UBE3C: variants seen among roughly 807,000 people sequenced by gnomAD.
UBE3C encodes ubiquitin-protein ligase E3C.
A neutral mutation model predicts 129.4 loss-of-function variants in UBE3C; 42 were observed. That is an observed-to-expected ratio of 0.32 (90% CI 0.25 to 0.42). UBE3C has a LOEUF of 0.42. UBE3C is among the 10% of genes least tolerant of loss of function. UBE3C has a pLI of 1.00. For missense variants in UBE3C, 1,049 were observed against 1,319.1 expected (o/e 0.80, Z 3.17); for synonymous variants, 510 against 492.4 (o/e 1.04, Z -0.47).
intron 18 of UBE3C, among the ~76,000 whole-genome samples, chr7:157,235,900 T>C (rs1050397442): frequency 6.6e-6 from 1 of 152,188 alleles, no homozygotes; most frequent in Admixed American, 6.6e-5. Flanking sequence ...GTAAGTGTCA[T>C]AGTACAGCAG....
At chr7:157,201,421 A>G (rs1280528049) in intron 10 of UBE3C, among the ~76,000 whole-genome samples, 1 of 146,158 alleles carries the variant, frequency 6.8e-6, no homozygotes, top group African/African-American at 2.5e-5. Context: ...AGCAGGTTCA[A>G]CTTGTGCATG....
At chr7:157,202,997 T>C (rs1223295990) in intron 11 of UBE3C, among the ~76,000 whole-genome samples, 1 of 152,230 alleles carries the variant, frequency 6.6e-6, no homozygotes, top group Non-Finnish European at 1.5e-5. Context: ...TGTGCAGTCA[T>C]AATGAAAACT....
At chr7:157,230,032 C>T (rs1449162835) in intron 17 of UBE3C, among the ~76,000 whole-genome samples, 2 of 152,052 alleles carry the variant, frequency 1.3e-5, no homozygotes, top group Admixed American at 1.3e-4. Context: ...CCTCAGCCAC[C>T]CAAGTAGCTG....
At chr7:157,208,036 CAT>C (rs1259598027) in intron 13 of UBE3C, 101 bp downstream of exon 13, 4 of 153,382 alleles carry the variant, frequency 2.6e-5, no homozygotes, top group Non-Finnish European at 5.0e-5. Context: ...TTGTTTCAGA[CAT>C]GTTTTAATTT....
intron 19 of UBE3C, among the ~76,000 whole-genome samples, chr7:157,252,462 A>G (rs914044761): frequency 6.6e-6 from 1 of 152,382 alleles, no homozygotes. Context: ...GATGGTTCCA[A>G]ACCTTAGGAA....
At chr7:157,203,942 A>C (rs1809359513) in intron 11 of UBE3C, among the ~76,000 whole-genome samples, 3 of 152,216 alleles carry the variant, frequency 2.0e-5, no homozygotes, top group African/African-American at 7.2e-5. Context: ...ACGTGCTCAA[A>C]ATATGTGCAT....
At chr7:157,208,055 CTTTTTTTTTTTTT>C (rs35366316) in intron 13 of UBE3C, 120 bp downstream of exon 13, 41 of 93,710 alleles carry the variant, frequency 4.4e-4, no homozygotes, top group South Asian at 1.4e-3. Flanking sequence ...ATTTGCAAGA[CTTTTTTTTTTTTT>C]TTTTTTTTTT....
At chr7:157,160,308 C>T (rs1405577438) in intron 1 of UBE3C, among the ~76,000 whole-genome samples, 3 of 152,164 alleles carry the variant, frequency 2.0e-5, no homozygotes, top group Non-Finnish European at 2.9e-5. Flanking sequence ...CTCCTGACCT[C>T]AGGCGATCTG....
At chr7:157,143,500 T>G (rs1024936288) in intron 1 of UBE3C, among the ~76,000 whole-genome samples, 1 of 152,204 alleles carries the variant, frequency 6.6e-6, no homozygotes, top group Non-Finnish European at 1.5e-5. Context: ...TCTCCTTCAT[T>G]CCTGGCTCTG....
intron 18 of UBE3C, among the ~76,000 whole-genome samples, chr7:157,235,156 C>T (rs1384370423): frequency 6.6e-6 from 1 of 152,060 alleles, no homozygotes; most frequent in African/African-American, 2.4e-5. Flanking sequence ...TACCATTGCA[C>T]TCCAGCCTGG....
intron 17 of UBE3C, among the ~76,000 whole-genome samples, chr7:157,227,464 T>C (rs1182361): frequency 0.95 from 145,054 of 152,048 alleles, 69,244 homozygotes; most frequent in East Asian, 0.99. Flanking sequence ...TTTGGGAGGC[T>C]GAGGCAGGCA....
At chr7:157,235,708 T>A (rs1471653705) in intron 18 of UBE3C, among the ~76,000 whole-genome samples, 2 of 152,230 alleles carry the variant, frequency 1.3e-5, no homozygotes, top group East Asian at 3.8e-4. Context: ...TTTAGACCAA[T>A]AACAAAACTA....
intron 1 of UBE3C, among the ~76,000 whole-genome samples, chr7:157,143,680 T>G (rs1050788931): frequency 7.2e-5 from 11 of 152,138 alleles, no homozygotes; most frequent in Non-Finnish European, 1.5e-4. Flanking sequence ...GATGGAACAG[T>G]CTAGGTGCAC....
At position 157,190,630 on chromosome 7, in the gene UBE3C, A is replaced by G. The variant is rs74973324; in HGVS notation, c.1331+3609A>G. 3.3e-3 allele frequency among the ~76,000 whole-genome samples: 505 copies of G among 152,190 alleles called. 16 individuals are homozygous for G. The South Asian group carries it at 0.046, about 14-fold the overall frequency. On this transcript the variant is annotated intron_variant, in intron 10 of 22. Transcript: ENST00000348165. Reference sequence around the variant, plus strand: ...TCCCACCATGGTGCTCGAGAGCTGTATTCTCTATGTCATGGTTTGCCAGCC... The same window carrying G: ...TCCCACCATGGTGCTCGAGAGCTGTGTTCTCTATGTCATGGTTTGCCAGCC...
chr7:157,232,099 C>A (rs889512247), intron 18 of UBE3C, among the ~76,000 whole-genome samples: 1 of 152,102 alleles, frequency 6.6e-6, no homozygotes, highest in Non-Finnish European at 1.5e-5. Context: ...TCATTTTGAT[C>A]TCTGCCTCTG....
At chr7:157,223,973 A>G (rs181398630) in intron 16 of UBE3C, among the ~76,000 whole-genome samples, 4 of 152,106 alleles carry the variant, frequency 2.6e-5, no homozygotes, top group African/African-American at 9.6e-5. Flanking sequence ...TTTTGTGAAG[A>G]TATGCTTCTG....
At chr7:157,236,634 A>G (rs1036606479) in intron 18 of UBE3C, among the ~76,000 whole-genome samples, 1 of 152,192 alleles carries the variant, frequency 6.6e-6, no homozygotes, top group African/African-American at 2.4e-5. Context: ...GGCTTTAAAC[A>G]TCTAAATTGA....
chr7:157,186,836 G>T lies in UBE3C; in HGVS notation c.1146G>T (p.Glu382Asp). The T allele has an allele frequency of 6.2e-7, 1 of 1,614,124 alleles. No individual in the cohort carries two copies. ...CTGGTTGTTCTGGTATGTTCTAGGAGGATGGCAGACTGTCAGTATCATACA... is the reference window on the plus strand; with the variant it reads ...CTGGTTGTTCTGGTATGTTCTAGGATGATGGCAGACTGTCAGTATCATACA... ...SEEADKPSSP[E>D]DGRLSVSYIT... Residue 382 changes from glutamate (E) to aspartate (D), a missense_variant and splice_region_variant, in exon 10 of 23, where the codon GAG (glutamate) becomes GAT (aspartate). By Grantham distance (45) the Glu-to-Asp change is conservative. This residue lies in a region of UBE3C where 489 missense variants were observed against 513.8 expected (regional missense o/e 0.95). Transcript: ENST00000348165.
intron 10 of UBE3C, chr7:157,192,570 CT>C (rs1460109508): frequency 6.5e-6 from 5 of 765,446 alleles, no homozygotes; most frequent in Non-Finnish European, 1.2e-5. Flanking sequence ...TACTCTTCAT[CT>C]TGTGTTGAGA....
Sources: allele counts gnomAD v4.1 joint callset (sites outside exome capture counted in the v4.1 genomes callset), GRCh38; gene constraint gnomAD v4.1.1; regional missense constraint gnomAD v4.1.1; transcripts MANE v1.5; gene names NCBI Gene and HGNC (gene_info 2026-07-23, HGNC 2026-07-21).